The following INTS8 variants were observed in gnomAD, a reference collection of about 807,000 sequenced individuals.
INTS8 encodes protein kaonashi-1.
In INTS8, 47 loss-of-function variants were observed where a neutral mutation model predicts 138.9. The observed-to-expected ratio is 0.34, with a 90% CI of 0.27 to 0.43. INTS8 has a LOEUF of 0.43. Among genes scored for constraint, INTS8 ranks in the 20% least tolerant of loss-of-function variants. The pLI is 1.00. For synonymous variants in INTS8, 392 were observed against 400.9 expected (o/e 0.98, Z 0.27); for missense variants, 996 against 1,173.0 (o/e 0.85, Z 2.20).
chr8:94,841,478 G>A lies in INTS8; in HGVS notation c.1018-13G>A. 7.2e-7 allele frequency: 1 copy of A among 1,380,182 alleles called. No individual in the cohort carries two copies. The highest frequency in any genetic ancestry group is 1.3e-5 in the South Asian group (1 of 78,432). The allele number at this position is 1,380,182 out of a possible 1,614,324, so 85.5% of individuals were successfully genotyped here. ...ATTTTTGAAATGGGTGCAACTTTAT[G>A]TGTGTGTTCTAGGAGGTAATACAGA... On this transcript the variant is annotated splice_polypyrimidine_tract_variant and intron_variant, in intron 8 of 26. Transcript: ENST00000523731.
intron 2 of INTS8, among the ~76,000 whole-genome samples, chr8:94,825,450 T>TA (rs1814464012): frequency 6.6e-6 from 1 of 151,042 alleles, no homozygotes; most frequent in Non-Finnish European, 1.5e-5. Flanking sequence ...AATAATAAAA[T>TA]AAATATTATA....
intron 26 of INTS8, among the ~76,000 whole-genome samples, chr8:94,876,909 A>G (rs1816584075): frequency 1.3e-5 from 2 of 152,220 alleles, no homozygotes; most frequent in African/African-American, 4.8e-5. Flanking sequence ...CTCTTCCAAG[A>G]ACATCCAACT....
At chr8:94,836,907 G>C (rs1178063827) in intron 7 of INTS8, among the ~76,000 whole-genome samples, 1 of 151,768 alleles carries the variant, frequency 6.6e-6, no homozygotes, top group African/African-American at 2.4e-5. Context: ...TTAAATCTTT[G>C]ACTAGGCATT....
chr8:94,837,328 C>T (rs2131008002), intron 7 of INTS8, among the ~76,000 whole-genome samples: 1 of 152,092 alleles, frequency 6.6e-6, no homozygotes, highest in South Asian at 2.1e-4. Context: ...GAATTGTAAA[C>T]CTAGTATATC....
At chr8:94,872,120 A>G (rs1816418489) in intron 21 of INTS8, 118 bp downstream of exon 21, 1 of 596,318 alleles carries the variant, frequency 1.7e-6, no homozygotes, top group Non-Finnish European at 3.0e-6. Flanking sequence ...ACTTGTCTTT[A>G]GTAAAATTAA....
At chr8:94,861,387 G>A (rs1001728322) in intron 16 of INTS8, among the ~76,000 whole-genome samples, 1 of 146,264 alleles carries the variant, frequency 6.8e-6, no homozygotes, top group African/African-American at 2.5e-5. Flanking sequence ...TCAGCCTCCC[G>A]AGTAGCTGGG....
intron 6 of INTS8, among the ~76,000 whole-genome samples, chr8:94,835,108 G>A (rs1814876291): frequency 6.6e-6 from 1 of 152,200 alleles, no homozygotes; most frequent in South Asian, 2.1e-4. Context: ...CTGTTTTGGG[G>A]AGTAATTGAA....
intron 11 of INTS8, 107 bp downstream of exon 11, chr8:94,849,639 C>T (rs1815458818): frequency 2.9e-6 from 2 of 697,272 alleles, no homozygotes; most frequent in Non-Finnish European, 4.8e-6. Flanking sequence ...ATCTTTTAAC[C>T]AGGCAGTAAC....
At position 94,873,340 on chromosome 8, in the gene INTS8, C is replaced by A. The variant is rs772908632; in HGVS notation, c.2534-34C>A. On this transcript the variant is annotated intron_variant, in intron 21 of 26. Transcript: ENST00000523731. ...AGGAATCCCTGTTTTTCAACTGTTA[C>A]CTCTAATGCTTTATGTCTGTTTTTC... is the stretch of plus-strand genomic sequence containing the variant. 4.2e-6 allele frequency: 6 copies of A among 1,427,886 alleles called. No individual in the cohort carries two copies. In the African/African-American group the frequency reaches 4.2e-5, roughly 10 times the overall value. 88.5% of individuals were successfully genotyped at this position (1,427,886 alleles called of 1,614,324 possible). A position where few individuals can be genotyped will look rare whatever the true frequency, so the allele number is the denominator to read the frequency against.
chr8:94,842,522 T>C, intron 10 of INTS8, 34 bp downstream of exon 10: 1 of 1,560,186 alleles, frequency 6.4e-7, no homozygotes. Context: ...TTTTGATTTA[T>C]AATTTGCTTT....
At chr8:94,852,443 A>G (rs573767105) in intron 13 of INTS8, among the ~76,000 whole-genome samples, 1 of 152,306 alleles carries the variant, frequency 6.6e-6, no homozygotes, top group Non-Finnish European at 1.5e-5. Flanking sequence ...TTAAAACACC[A>G]TTTCAGTGGA....
At chr8:94,857,071 C>CT (rs376956021) in intron 15 of INTS8, 93 bp downstream of exon 15, 86,768 of 541,936 alleles carry the variant, frequency 0.16, 2,091 homozygotes, top group Middle Eastern at 0.19. Context: ...AGTTTGTAAT[C>CT]TTTTTTTTTT....
At chr8:94,835,522 T>G (rs889665507) in intron 6 of INTS8, among the ~76,000 whole-genome samples, 5 of 152,196 alleles carry the variant, frequency 3.3e-5, no homozygotes, top group Admixed American at 3.3e-4. Flanking sequence ...TCTTCACTTT[T>G]GAGGGGCTCC....
chr8:94,845,097 A>C (rs1447116857), intron 10 of INTS8, among the ~76,000 whole-genome samples: 11 of 151,930 alleles, frequency 7.2e-5, no homozygotes, highest in Non-Finnish European at 1.6e-4. Context: ...TTTAATATCA[A>C]ATTTACCGAT....
In INTS8 at chr8:94,881,513, C is replaced by G; in HGVS notation, c.*1279C>G. 1 of 905,864 alleles carries G rather than the reference C, an allele frequency of 1.1e-6. No homozygotes were observed. The highest frequency in any genetic ancestry group is 2.7e-5 in the Admixed American group (1 of 37,114). 56.1% of individuals were successfully genotyped at this position (905,864 alleles called of 1,614,324 possible). A position where few individuals can be genotyped will look rare whatever the true frequency, so the allele number is the denominator to read the frequency against. ...TTTTAAAATCAGAATGGCAGTGTAA[C>G]TTGTGAATTGGCTAGGGCAATCAAT... On this transcript the variant is annotated 3_prime_UTR_variant, in exon 27 of 27. Transcript: ENST00000523731.
intron 4 of INTS8, 70 bp from the exon 5 acceptor site, chr8:94,828,905 C>G: frequency 1.0e-6 from 1 of 957,402 alleles, no homozygotes; most frequent in Non-Finnish European, 1.7e-6. Flanking sequence ...GAATGATGCT[C>G]TTAAGTTTTG....
At chr8:94,861,489 C>T (rs1375414249) in intron 16 of INTS8, among the ~76,000 whole-genome samples, 1 of 152,052 alleles carries the variant, frequency 6.6e-6, no homozygotes, top group Non-Finnish European at 1.5e-5. Context: ...TCTCAATCTC[C>T]TGACCTCGTG....
chr8:94,844,973 C>T (rs539195255), intron 10 of INTS8, among the ~76,000 whole-genome samples: 112 of 151,656 alleles, frequency 7.4e-4, no homozygotes, highest in African/African-American at 2.5e-3. Flanking sequence ...AGGCTGGGCT[C>T]GAACTGTTGA....
chr8:94,868,064 G>A (rs936376147), intron 20 of INTS8, among the ~76,000 whole-genome samples: 2 of 152,168 alleles, frequency 1.3e-5, no homozygotes, highest in Non-Finnish European at 2.9e-5. Context: ...TTTAGTTGCT[G>A]TAGGAACTAA....
Sources: gnomAD v4.1 joint callset for allele counts (sites outside exome capture counted in the v4.1 genomes callset) on GRCh38, gnomAD v4.1.1 for gene constraint, MANE v1.5 for transcripts, NCBI Gene and HGNC (gene_info 2026-07-23, HGNC 2026-07-21) for gene names.